The following SDK2 variants were observed in gnomAD, a reference collection of about 807,000 sequenced individuals.
The protein encoded by SDK2 is protein sidekick-2.
In SDK2, 105 loss-of-function variants were observed where a neutral mutation model predicts 253.9. That is an observed-to-expected ratio of 0.41 (90% CI 0.35 to 0.49). The LOEUF (loss-of-function observed/expected upper bound fraction) is 0.49. Ranked by LOEUF, SDK2 falls within the 20% of genes least tolerant of loss-of-function variation. The pLI is 0.06. For missense variants in SDK2, 2,608 were observed against 3,003.0 expected, an observed-to-expected ratio of 0.87 and a Z score of 3.07; for synonymous variants, 1,249 against 1,234.9, an observed-to-expected ratio of 1.01 and a Z score of -0.24.
intron 36 of SDK2, among the ~76,000 whole-genome samples, chr17:73,372,995 A>C (rs148063227): frequency 6.6e-6 from 1 of 152,304 alleles, no homozygotes; most frequent in Non-Finnish European, 1.5e-5. Flanking sequence ...TGCTTCACCG[A>C]AACGCTGTAT....
intron 1 of SDK2, among the ~76,000 whole-genome samples, chr17:73,528,917 A>G (rs994080483): frequency 2.0e-5 from 3 of 152,196 alleles, no homozygotes; most frequent in South Asian, 4.1e-4. Context: ...CCAGGGGAGC[A>G]GGCCTCGCCC....
intron 2 of SDK2, among the ~76,000 whole-genome samples, chr17:73,506,700 G>A (rs11869311): frequency 0.59 from 90,239 of 152,112 alleles, 27,246 homozygotes; most frequent in Non-Finnish European, 0.65. Flanking sequence ...ACAGGCGGAG[G>A]TGGGAGGATA....
chr17:73,560,633 C>A (rs1173183438), intron 1 of SDK2, among the ~76,000 whole-genome samples: 1 of 152,282 alleles, frequency 6.6e-6, no homozygotes. Context: ...AGCCACCTCG[C>A]CTGGCCTCAT....
At chr17:73,477,726 G>T (rs1039936400) in intron 2 of SDK2, among the ~76,000 whole-genome samples, 2 of 152,144 alleles carry the variant, frequency 1.3e-5, no homozygotes, top group Admixed American at 1.3e-4. Context: ...AGCACTAGGG[G>T]AGCATGGAGT....
intron 1 of SDK2, among the ~76,000 whole-genome samples, chr17:73,562,153 T>C (rs922089488): frequency 2.6e-5 from 4 of 151,972 alleles, no homozygotes; most frequent in African/African-American, 9.7e-5. Flanking sequence ...CATCTTAATA[T>C]AATATTTCAA....
At position 73,350,851 on chromosome 17, in the gene SDK2, G is replaced by C. The variant is rs2062531650; in HGVS notation, c.5759-61C>G. 4.6e-6 allele frequency: 7 copies of C among 1,526,742 alleles called. No individual in the cohort carries two copies. In the South Asian group the frequency reaches 8.8e-5, roughly 19 times the overall value. The allele number at this position is 1,526,742 out of a possible 1,614,324, so 94.6% of individuals were successfully genotyped here. ...GCCCCCTCCTCCCTCCAAATCTCCT[G>C]CTCCAGTTGGGACCCTACTAACTGC... On this transcript the variant is annotated intron_variant, in intron 41 of 44. Transcript: ENST00000392650.
At chr17:73,339,527 T>A (rs370065574) in intron 44 of SDK2, among the ~76,000 whole-genome samples, 1 of 18,388 alleles carries the variant, frequency 5.4e-5, no homozygotes, top group Non-Finnish European at 4.2e-4. Flanking sequence ...TGGCAAATTT[T>A]ATTTTCTTTC....
At chr17:73,343,125 C>A (rs903301308) in intron 44 of SDK2, among the ~76,000 whole-genome samples, 8 of 152,216 alleles carry the variant, frequency 5.3e-5, no homozygotes, top group Non-Finnish European at 1.2e-4. Flanking sequence ...CTCCTAGGGG[C>A]CCAGATCCCA....
rs116288992 is a variant in SDK2, at chr17:73,570,055, G to A, written c.65-62458C>T. Among the ~76,000 whole-genome samples, 1 of 152,102 alleles carries A rather than the reference G, an allele frequency of 6.6e-6. No individual in the cohort carries two copies. Among genetic ancestry groups the A allele is most frequent in the Non-Finnish European group, 1.5e-5 (1 of 68,004 alleles). On this transcript the variant is annotated intron_variant, in intron 1 of 44. Transcript: ENST00000392650. This position sits in a 1 kb window ranked among gnomAD's most constrained non-coding sequence, Gnocchi z 4.2. Reference sequence around the variant, plus strand: ...CAGCGCTCTAACTCTTTCAGGCTTCGGCTGGGGAAGGAAGAGAGTCAGGCG... The same window carrying A: ...CAGCGCTCTAACTCTTTCAGGCTTCAGCTGGGGAAGGAAGAGAGTCAGGCG...
At chr17:73,362,332 G>A (rs1216889817) in intron 38 of SDK2, among the ~76,000 whole-genome samples, 2 of 151,896 alleles carry the variant, frequency 1.3e-5, no homozygotes, top group Non-Finnish European at 2.9e-5. Context: ...TCCTCCACCT[G>A]AGCCCCACTC....
At chr17:73,441,831 T>C (rs1265796952) in intron 5 of SDK2, among the ~76,000 whole-genome samples, 1 of 152,168 alleles carries the variant, frequency 6.6e-6, no homozygotes, top group African/African-American at 2.4e-5. Context: ...TGGACTGAGC[T>C]GTGTCCCCCA....
At chr17:73,445,210 C>T (rs905887711) in intron 5 of SDK2, among the ~76,000 whole-genome samples, 2 of 151,950 alleles carry the variant, frequency 1.3e-5, no homozygotes, top group Non-Finnish European at 2.9e-5. Context: ...GGAAGATATC[C>T]CATTAATATT....
intron 11 of SDK2, 64 bp from the exon 12 acceptor site, chr17:73,430,677 G>T: frequency 1.8e-6 from 2 of 1,129,350 alleles, no homozygotes; most frequent in Non-Finnish European, 2.4e-6. Context: ...CTGGACTCTG[G>T]GTGGATACCA....
At chr17:73,572,262 T>G (rs1249516291) in intron 1 of SDK2, among the ~76,000 whole-genome samples, 2 of 152,152 alleles carry the variant, frequency 1.3e-5, no homozygotes, top group Admixed American at 6.5e-5. Context: ...CCTGTCTGTT[T>G]TGCTGTTTCC....
At chr17:73,484,061 A>G (rs1040512209) in intron 2 of SDK2, among the ~76,000 whole-genome samples, 3 of 152,098 alleles carry the variant, frequency 2.0e-5, no homozygotes, top group Non-Finnish European at 4.4e-5. Flanking sequence ...TCTCACCTCG[A>G]TTACAATTGT....
chr17:73,403,736 C>T (rs2063047921), intron 18 of SDK2, among the ~76,000 whole-genome samples: 1 of 152,096 alleles, frequency 6.6e-6, no homozygotes, highest in Non-Finnish European at 1.5e-5. Context: ...AAAAGATAGC[C>T]TATAGCAAGT....
intron 44 of SDK2, among the ~76,000 whole-genome samples, chr17:73,339,467 C>T (rs2145364294): frequency 6.6e-6 from 1 of 152,060 alleles, no homozygotes; most frequent in Admixed American, 6.6e-5. Context: ...AGTGATCCAC[C>T]CGCTTCACCC....
At chr17:73,388,559 G>T (rs1180743477) in intron 29 of SDK2, among the ~76,000 whole-genome samples, 1 of 152,128 alleles carries the variant, frequency 6.6e-6, no homozygotes, top group Non-Finnish European at 1.5e-5. Flanking sequence ...CCTATGCAAT[G>T]CAGGATGCTC....
chr17:73,456,793 A>AGCCTGCCG (rs1458605678), intron 3 of SDK2, among the ~76,000 whole-genome samples: 27 of 152,380 alleles, frequency 1.8e-4, no homozygotes, highest in African/African-American at 6.5e-4. Context: ...CTCTTCAGCC[A>AGCCTGCCG]GCCTGCCGGC....
Sources: gnomAD v4.1 joint callset for allele counts (sites outside exome capture counted in the v4.1 genomes callset) on GRCh38, gnomAD v4.1.1 for gene constraint, Gnocchi (gnomAD v3.1) non-coding constraint, MANE v1.5 for transcripts, NCBI Gene and HGNC (gene_info 2026-07-23, HGNC 2026-07-21) for gene names.